Variants in UMOD observed in about 807,000 individuals in gnomAD.
UMOD encodes Tamm-Horsfall urinary glycoprotein.
A neutral mutation model predicts 66.0 loss-of-function variants in UMOD; 64 were observed. That is an observed-to-expected ratio of 0.97 (90% CI 0.79 to 1.19). The LOEUF is 1.19. UMOD is among the 50% of genes most tolerant of loss of function. The pLI is 0.00. For synonymous variants in UMOD, 398 were observed against 352.7 expected (o/e 1.13, Z -1.44); for missense variants, 764 against 850.9 (o/e 0.90, Z 1.27).
chr16:20,348,684 A>G lies in UMOD; in HGVS notation c.617T>C (p.Val206Ala), dbSNP rs1042348401. 8 of 1,553,948 alleles carry G rather than the reference A, an allele frequency of 5.1e-6. No homozygotes were observed. The Admixed American group carries it at 7.6e-5, about 15-fold the overall frequency. ...DTDLRGWYRF[V>A]GQGGARMAET... ...GGCCATGCGCGCACCGCCCTGGCCC[A>G]CGAAGCGGTACCAGCCGCGCAGGTC... The change falls in exon 3 of 11, where the codon GTG becomes GCG. Residue 206 changes from valine to alanine, a missense_variant. By Grantham distance (64) the Val-to-Ala change is moderately conservative. Coordinates refer to ENST00000396138, the MANE Select transcript of UMOD (RefSeq NM_003361.4).
chr16:20,334,718 C>T (rs1964779559), intron 10 of UMOD, among the ~76,000 whole-genome samples: 1 of 152,066 alleles, frequency 6.6e-6, no homozygotes, highest in South Asian at 2.1e-4. Context: ...ACCCTGGGAC[C>T]TCAGGGAGTT....
rs546624079 is a variant in UMOD at position 20,341,431 on chromosome 16, G to A, written c.1332-95C>T. ...TTGCATTCCTAGGCAGTCCCTTGCAGTTATTTGCATTTTTATCCAGCAATA... is the reference window on the plus strand; with the variant it reads ...TTGCATTCCTAGGCAGTCCCTTGCAATTATTTGCATTTTTATCCAGCAATA... On this transcript the variant is annotated intron_variant, in intron 6 of 10. Transcript: ENST00000396138. 40 of 1,587,558 alleles carry A rather than the reference G, an allele frequency of 2.5e-5. No homozygotes were observed. In the African/African-American group the frequency reaches 4.6e-4, roughly 18 times the overall value.
upstream of UMOD, among the ~76,000 whole-genome samples, chr16:20,353,539 T>C (rs1239150364): frequency 1.3e-5 from 2 of 152,160 alleles, no homozygotes; most frequent in African/African-American, 4.8e-5. Flanking sequence ...CATATAGTAA[T>C]GATTATATTC....
At position 20,348,496 on chromosome 16, in the gene UMOD, C is replaced by T. The variant is rs748310759; in HGVS notation, c.805G>A (p.Gly269Ser). Residue 269 changes from glycine to serine, a missense_variant, in exon 3 of 11, where the codon GGC (glycine) becomes AGC (serine). By Grantham distance (56) the Gly-to-Ser change is moderately conservative. Coordinates refer to ENST00000396138, the MANE Select transcript of UMOD (RefSeq NM_003361.4). Reference protein sequence around the residue: ...DASVQVKACAGGYYVYNLTAP... With the variant: ...DASVQVKACASGYYVYNLTAP... ...GTCAGGTTGTAGACGTAGTAGCCGCCGGCACAGGCCTTCACCTGGACGGAC... is the reference window on the plus strand; with the variant it reads ...GTCAGGTTGTAGACGTAGTAGCCGCTGGCACAGGCCTTCACCTGGACGGAC... The T allele has an allele frequency of 1.9e-6, 3 of 1,611,180 alleles. No individual in the cohort carries two copies. Among genetic ancestry groups the T allele is most frequent in the African/African-American group, 2.7e-5 (2 of 75,070 alleles).
At chr16:20,345,428 C>CTTTCTTTCTTTCTTTCTTTCTT in intron 5 of UMOD, among the ~76,000 whole-genome samples, 1 of 65,926 alleles carries the variant, frequency 1.5e-5, no homozygotes, top group South Asian at 5.0e-4. Context: ...TTCTTTCTTT[C>CTTTCTTTCTTTCTTTCTTTCTT]TCTTTCTTTC....
chr16:20,341,182 G>A lies in UMOD; in HGVS notation c.1486C>T (p.Leu496=), dbSNP rs746661623. ...GTCATGAGCAGTGCAAATCGGGACA[G>A]GTCGCCCCCATCCAACATGGTGCCC... is the stretch of plus-strand genomic sequence containing the variant. ...YVGTMLDGGD[L]SRFALLMTNC... The change falls in exon 7 of 11, where the codon CTG becomes TTG. Residue 496 remains leucine (L), a synonymous_variant. Coordinates refer to ENST00000396138, the MANE Select transcript of UMOD (RefSeq NM_003361.4). The A allele has an allele frequency of 6.2e-6, 10 of 1,613,936 alleles. No individual in the cohort carries two copies. The highest frequency in any genetic ancestry group is 8.5e-6 in the Non-Finnish European group (10 of 1,180,016).
In UMOD at chr16:20,336,745, T is replaced by C; in HGVS notation, c.1741-18A>G. On this transcript the variant is annotated intron_variant, in intron 8 of 10. Transcript: ENST00000396138. ...GAGCAGGTCTACAGGGAGAGGGCAATAGAAAAACACCCTCCATGAAGGAGC... is the reference window on the plus strand; with the variant it reads ...GAGCAGGTCTACAGGGAGAGGGCAACAGAAAAACACCCTCCATGAAGGAGC... The C allele has an allele frequency of 6.2e-7, 1 of 1,610,814 alleles. No homozygotes were observed. Among genetic ancestry groups the C allele is most frequent in the Non-Finnish European group, 8.5e-7 (1 of 1,177,214 alleles).
rs1221990334 is a variant in UMOD at position 20,348,215 on chromosome 16, G to A, written c.973+8C>T. The A allele has an allele frequency of 6.2e-7, 1 of 1,612,774 alleles. No homozygotes were observed. Among genetic ancestry groups the A allele is most frequent in the African/African-American group, 1.3e-5 (1 of 74,914 alleles). ...CTCAACAACCCGCTTCCTCCCCACT[G>A]GCCTCACCAGTGATGTTGAAGTCCT... On this transcript the variant is annotated splice_region_variant and intron_variant, in intron 4 of 10. Coordinates refer to ENST00000396138, the MANE Select transcript of UMOD (RefSeq NM_003361.4).
rs192039631 is a variant in UMOD, at chr16:20,352,114, A to G, written c.-103+575T>C. On this transcript the variant is annotated intron_variant, in intron 1 of 10. Transcript: ENST00000396138. ...TATGTGCACACACACATAAAATTTT[A>G]TAAGACAATTGATATCCTTACTACA... is the stretch of plus-strand genomic sequence containing the variant. 9.3e-3 allele frequency among the ~76,000 whole-genome samples: 1,412 copies of G among 151,384 alleles called. 13 individuals carry two copies. The highest frequency in any genetic ancestry group is 0.014 in the Non-Finnish European group (960 of 67,890).
chr16:20,339,612 G>A (rs747221274), intron 7 of UMOD, among the ~76,000 whole-genome samples: 8 of 152,324 alleles, frequency 5.3e-5, no homozygotes, highest in Middle Eastern at 6.8e-3. Flanking sequence ...TATTCCCTTG[G>A]TGTAACCAGG....
chr16:20,333,408 G>A (rs1225022178), intron 10 of UMOD, 33 bp from the exon 11 acceptor site: 1 of 1,589,596 alleles, frequency 6.3e-7, no homozygotes. Flanking sequence ...GCAACTGCTA[G>A]TACTGCTGTA....
chr16:20,353,473 G>T (rs780593567), upstream of UMOD, among the ~76,000 whole-genome samples: 3 of 152,140 alleles, frequency 2.0e-5, no homozygotes, highest in Non-Finnish European at 4.4e-5. Context: ...TATAAAATGA[G>T]AATACCCATC....
intron 8 of UMOD, 135 bp from the exon 9 acceptor site, chr16:20,336,862 G>A (rs906169283): frequency 1.3e-5 from 10 of 751,330 alleles, no homozygotes; most frequent in African/African-American, 6.9e-5. Flanking sequence ...CCTGTATACC[G>A]GGGCTCGTGC....
intron 5 of UMOD, 133 bp downstream of exon 5, chr16:20,345,993 C>T (rs1965559128): frequency 1.3e-6 from 1 of 764,804 alleles, no homozygotes; most frequent in Non-Finnish European, 2.1e-6. Flanking sequence ...ATTATTTCTC[C>T]ACTTTACAGT....
In UMOD at chr16:20,341,061, T is replaced by G. The variant is rs748416204; in HGVS notation, c.1577+30A>C. On this transcript the variant is annotated intron_variant, in intron 7 of 10. Coordinates refer to ENST00000396138, the MANE Select transcript of UMOD (RefSeq NM_003361.4). The stretch of plus-strand genomic sequence containing the variant: ...AAAGACCCCCTCTGAATTCTACCCA[T>G]GAGTTCCCATGTAGGAACCTTTGCC... 9 of 1,607,464 alleles carry G rather than the reference T, an allele frequency of 5.6e-6. No homozygotes were observed. The South Asian group carries it at 1.0e-4, about 18-fold the overall frequency.
In UMOD at chr16:20,352,683, C is replaced by A; in HGVS notation, c.-103+6G>T. ...GCTAGGAGAAGACAGCTACAGATAGCCTTACCTGAAGCCAGAAAGGTAGAG... is the reference window on the plus strand; with the variant it reads ...GCTAGGAGAAGACAGCTACAGATAGACTTACCTGAAGCCAGAAAGGTAGAG... On this transcript the variant is annotated splice_donor_region_variant and intron_variant, in intron 1 of 10. Coordinates refer to ENST00000396138, the MANE Select transcript of UMOD (RefSeq NM_003361.4). 1 of 1,231,650 alleles carries A rather than the reference C, an allele frequency of 8.1e-7. No homozygotes were observed. Among genetic ancestry groups the A allele is most frequent in the Non-Finnish European group, 1.0e-6 (1 of 987,936 alleles). 76.3% of individuals were successfully genotyped at this position (1,231,650 alleles called of 1,614,324 possible). A position where few individuals can be genotyped will look rare whatever the true frequency, so the allele number is the denominator to read the frequency against.
intron 7 of UMOD, among the ~76,000 whole-genome samples, chr16:20,337,892 G>T (rs1014924127): frequency 6.6e-5 from 10 of 152,102 alleles, no homozygotes; most frequent in African/African-American, 2.2e-4. Flanking sequence ...TGAAATTGGA[G>T]TGTGTGCACC....
intron 4 of UMOD, 46 bp from the exon 5 acceptor site, chr16:20,346,380 G>T: frequency 6.2e-7 from 1 of 1,605,088 alleles, no homozygotes; most frequent in Non-Finnish European, 8.5e-7. Flanking sequence ...TATAGCTTGG[G>T]GGCCCAGCAC....
In UMOD at chr16:20,348,605, A is replaced by T. The variant is rs752681709; in HGVS notation, c.696T>A (p.Asn232Lys). The change falls in exon 3 of 11, where the codon AAT becomes AAA. Residue 232 changes from asparagine to lysine, a missense_variant. Coordinates refer to ENST00000396138, the MANE Select transcript of UMOD (RefSeq NM_003361.4). ...CCTCGTCGCTGGACGGATGCGTGCC[A>T]TTGAGCCACATGGGGGCGGCCGTGT... is the stretch of plus-strand genomic sequence containing the variant. The part of the protein sequence containing the change: ...RCNTAAPMWL[N>K]GTHPSSDEGI... The T allele has an allele frequency of 6.3e-7, 1 of 1,588,856 alleles. No homozygotes were observed. Among genetic ancestry groups the T allele is most frequent in the South Asian group, 1.1e-5 (1 of 88,626 alleles).
Sources: allele counts gnomAD v4.1 joint callset (sites outside exome capture counted in the v4.1 genomes callset), GRCh38; gene constraint gnomAD v4.1.1; transcripts MANE v1.5; gene names NCBI Gene and HGNC (gene_info 2026-07-23, HGNC 2026-07-21).